EVI5: variants seen among roughly 807,000 people sequenced by gnomAD.
The protein encoded by EVI5 is ecotropic viral integration site 5 protein homolog.
EVI5 carries 73 observed loss-of-function variants against 112.0 expected under a neutral mutation model. The ratio of observed to expected loss-of-function variants is 0.65; its 90% confidence interval spans 0.54 to 0.79. EVI5 has a LOEUF of 0.79. Among genes scored for constraint, EVI5 ranks in the 30% least tolerant of loss-of-function variants. The probability of loss-of-function intolerance (pLI) is 0.00; values close to 1 mark genes in which losing one functional copy is unlikely to be tolerated. For missense variants in EVI5, 900 were observed against 968.8 expected, an observed-to-expected ratio of 0.93 and a Z score of 0.94; for synonymous variants, 305 against 319.9, an observed-to-expected ratio of 0.95 and a Z score of 0.50.
At chr1:92,781,342 A>G (rs903890353) in intron 1 of EVI5, among the ~76,000 whole-genome samples, 5 of 151,982 alleles carry the variant, frequency 3.3e-5, no homozygotes, top group African/African-American at 4.8e-5. Context: ...CCCTGACTCT[A>G]CAAAACATAC....
At chr1:92,710,244 T>C (rs532300000) in intron 2 of EVI5, among the ~76,000 whole-genome samples, 2 of 151,888 alleles carry the variant, frequency 1.3e-5, no homozygotes, top group South Asian at 2.1e-4. Flanking sequence ...CTGGGGGGCT[T>C]TGGTGGAAGA....
intron 19 of EVI5, among the ~76,000 whole-genome samples, chr1:92,518,432 TAA>T (rs756949564): frequency 1.3e-5 from 2 of 152,084 alleles, no homozygotes; most frequent in Non-Finnish European, 2.9e-5. Context: ...TAATTTTTAG[TAA>T]AAGACTCCTA....
At chr1:92,661,748 G>A (rs1022035084) in intron 13 of EVI5, among the ~76,000 whole-genome samples, 5 of 151,466 alleles carry the variant, frequency 3.3e-5, no homozygotes, top group South Asian at 4.2e-4. Context: ...TTTTGCTTCT[G>A]GTTTTCTGAT....
chr1:92,607,376 A>C, intron 17 of EVI5: 1 of 418,306 alleles, frequency 2.4e-6, no homozygotes, highest in Non-Finnish European at 4.2e-6. Context: ...GAAGTGACTG[A>C]AAATGTTTCT....
intron 9 of EVI5, among the ~76,000 whole-genome samples, chr1:92,677,902 C>T (rs1472614779): frequency 6.6e-6 from 1 of 152,172 alleles, no homozygotes. Context: ...TACATACTGA[C>T]ATCATGCACC....
At chr1:92,584,244 T>G (rs1424645086) in intron 18 of EVI5, among the ~76,000 whole-genome samples, 1 of 152,204 alleles carries the variant, frequency 6.6e-6, no homozygotes, top group Non-Finnish European at 1.5e-5. Flanking sequence ...ATCTCTTGAT[T>G]GTTTAAAAGG....
intron 19 of EVI5, among the ~76,000 whole-genome samples, chr1:92,544,239 A>C (rs1665309501): frequency 6.6e-6 from 1 of 152,162 alleles, no homozygotes; most frequent in Non-Finnish European, 1.5e-5. Context: ...TTGGAGAGAT[A>C]ATGTTCTAGA....
intron 10 of EVI5, among the ~76,000 whole-genome samples, chr1:92,670,542 C>G (rs1324846205): frequency 6.6e-6 from 1 of 152,156 alleles, no homozygotes; most frequent in Non-Finnish European, 1.5e-5. Context: ...TACTCTGGAT[C>G]AACTATCTGA....
chr1:92,526,765 A>G (rs1291941853), intron 19 of EVI5, among the ~76,000 whole-genome samples: 2 of 152,176 alleles, frequency 1.3e-5, no homozygotes, highest in Admixed American at 1.3e-4. Flanking sequence ...TTCTACTGTA[A>G]TGGTGGATAC....
chr1:92,512,177 T>C lies in EVI5; in HGVS notation c.*1479A>G, dbSNP rs1452526971. 2 of 152,606 alleles carry C rather than the reference T, an allele frequency of 1.3e-5. No homozygotes were observed. Among genetic ancestry groups the C allele is most frequent in the Non-Finnish European group, 2.9e-5 (2 of 68,024 alleles). 9.5% of individuals were successfully genotyped at this position (152,606 alleles called of 1,614,324 possible). A position where few individuals can be genotyped will look rare whatever the true frequency, so the allele number is the denominator to read the frequency against. Reference sequence around the variant, plus strand: ...AATATCTAAATGATATAGGAAAAACTGGTAGGAAAGGATTCTTATGGCTTT... The same window carrying C: ...AATATCTAAATGATATAGGAAAAACCGGTAGGAAAGGATTCTTATGGCTTT... On this transcript the variant is annotated 3_prime_UTR_variant, in exon 20 of 20. Coordinates refer to ENST00000684568, the MANE Select transcript of EVI5 (RefSeq NM_001350197.2).
At chr1:92,736,940 A>T (rs1163353833) in intron 1 of EVI5, among the ~76,000 whole-genome samples, 1 of 152,238 alleles carries the variant, frequency 6.6e-6, no homozygotes, top group Non-Finnish European at 1.5e-5. Context: ...GTCTAATGAA[A>T]TTTTTGTTAT....
At chr1:92,696,352 G>T (rs1367186280) in intron 6 of EVI5, among the ~76,000 whole-genome samples, 1 of 152,096 alleles carries the variant, frequency 6.6e-6, no homozygotes. Context: ...AGTGGCTCAT[G>T]CCTGTAATCC....
intron 16 of EVI5, among the ~76,000 whole-genome samples, chr1:92,623,372 T>G (rs898653467): frequency 4.6e-5 from 7 of 152,306 alleles, no homozygotes; most frequent in African/African-American, 1.7e-4. Flanking sequence ...GAATGATGTA[T>G]GAGTTAAGTA....
intron 11 of EVI5, among the ~76,000 whole-genome samples, chr1:92,665,156 G>A (rs1332650398): frequency 6.6e-6 from 1 of 152,136 alleles, no homozygotes; most frequent in African/African-American, 2.4e-5. Context: ...AGTGAGCCAA[G>A]ATTGAGCCAC....
At chr1:92,541,042 C>T (rs963314675) in intron 19 of EVI5, among the ~76,000 whole-genome samples, 4 of 152,038 alleles carry the variant, frequency 2.6e-5, no homozygotes, top group Non-Finnish European at 4.4e-5. Flanking sequence ...CCACTGCACT[C>T]CAGCCTGAGT....
At chr1:92,569,261 C>A (rs1306085749) in intron 18 of EVI5, among the ~76,000 whole-genome samples, 2 of 152,184 alleles carry the variant, frequency 1.3e-5, no homozygotes, top group South Asian at 2.1e-4. Context: ...ATACATTTTT[C>A]ACCTTAATTT....
intron 2 of EVI5, among the ~76,000 whole-genome samples, chr1:92,731,060 A>G (rs376485497): frequency 2.0e-5 from 3 of 152,352 alleles, no homozygotes; most frequent in African/African-American, 7.2e-5. Context: ...ACAGTGGCTC[A>G]GGCCTGTAAT....
intron 1 of EVI5, among the ~76,000 whole-genome samples, chr1:92,739,146 G>C (rs975286756): frequency 6.6e-6 from 1 of 151,482 alleles, no homozygotes; most frequent in Non-Finnish European, 1.5e-5. Flanking sequence ...GGTGGCGGGC[G>C]CCTGTAATCC....
intron 14 of EVI5, 22 bp downstream of exon 14, chr1:92,636,180 T>C (rs201359889): frequency 4.0e-5 from 64 of 1,595,204 alleles, no homozygotes; most frequent in Non-Finnish European, 5.2e-5. Context: ...TGGGAATGAC[T>C]GCATTTGTGT....
Sources: allele counts gnomAD v4.1 joint callset (sites outside exome capture counted in the v4.1 genomes callset), GRCh38; gene constraint gnomAD v4.1.1; transcripts MANE v1.5; gene names NCBI Gene and HGNC (gene_info 2026-07-23, HGNC 2026-07-21).